The following MINDY2 variants were observed in gnomAD, a reference collection of about 807,000 sequenced individuals.
The protein encoded by MINDY2 is MINDY lysine 48 deubiquitinase 2.
In MINDY2, 52 loss-of-function variants were observed where a neutral mutation model predicts 68.2. That is an observed-to-expected ratio of 0.76 (90% confidence interval 0.61 to 0.96). The LOEUF is 0.96. Among genes scored for constraint, MINDY2 ranks in the 40% least tolerant of loss-of-function variants. MINDY2 has a pLI of 0.00. For synonymous variants in MINDY2, 372 were observed against 303.0 expected (o/e 1.23, Z -2.36); for missense variants, 881 against 773.4 (o/e 1.14, Z -1.65).
intron 4 of MINDY2, among the ~76,000 whole-genome samples, chr15:58,813,520 A>G (rs1164980546): frequency 1.3e-5 from 2 of 152,186 alleles, no homozygotes; most frequent in Non-Finnish European, 2.9e-5. Flanking sequence ...ATTTGTGTAC[A>G]GGTACGTTTT....
At chr15:58,788,513 G>T in intron 2 of MINDY2, among the ~76,000 whole-genome samples, 1 of 152,130 alleles carries the variant, frequency 6.6e-6, no homozygotes, top group East Asian at 1.9e-4. Context: ...GTATTAAATT[G>T]CATTCTTCTC....
intron 5 of MINDY2, 62 bp from the exon 6 acceptor site, chr15:58,831,712 A>G: frequency 6.7e-7 from 1 of 1,483,934 alleles, no homozygotes; most frequent in Non-Finnish European, 9.2e-7. Flanking sequence ...TTAAATAGAA[A>G]AAGAATAACT....
intron 2 of MINDY2, among the ~76,000 whole-genome samples, chr15:58,788,671 A>G (rs1293127857): frequency 6.6e-6 from 1 of 152,178 alleles, no homozygotes; most frequent in African/African-American, 2.4e-5. Context: ...TACTATCACC[A>G]AATAGGAAAT....
chr15:58,807,441 C>T (rs1448582435), intron 3 of MINDY2, among the ~76,000 whole-genome samples: 5 of 149,366 alleles, frequency 3.3e-5, no homozygotes, highest in Non-Finnish European at 5.9e-5. Flanking sequence ...CTGCAAGCTC[C>T]GCCTCCCGGG....
At chr15:58,791,386 T>C (rs1363917188) in intron 2 of MINDY2, among the ~76,000 whole-genome samples, 1 of 151,410 alleles carries the variant, frequency 6.6e-6, no homozygotes, top group East Asian at 1.9e-4. Context: ...TCTTAAAATG[T>C]AGCTCCTGTC....
At chr15:58,780,159 C>G (rs183541414) in intron 1 of MINDY2, among the ~76,000 whole-genome samples, 9 of 152,220 alleles carry the variant, frequency 5.9e-5, no homozygotes, top group Admixed American at 1.3e-4. Flanking sequence ...AATCCCAGCA[C>G]TTTGTGAGGC....
rs534368601 is a variant in MINDY2 at position 58,861,491 on chromosome 15, G to A, written c.*6881G>A. 6.7e-4 allele frequency: 102 copies of A among 152,212 alleles called. No homozygotes were observed. The highest frequency in any genetic ancestry group is 2.3e-3 in the African/African-American group (97 of 41,532). The allele number at this position is 152,212 out of a possible 1,614,324, so 9.4% of individuals were successfully genotyped here. ...ATAATAACAACCCTAGAGATTCATA[G>A]GAAAGAGCATTGAAATACATTTTTT... On this transcript the variant is annotated 3_prime_UTR_variant, in exon 9 of 9. Transcript: ENST00000559228.
rs562432753 is a variant in MINDY2, at chr15:58,784,973, T to G, written c.841-2933T>G. Among the ~76,000 whole-genome samples the G allele has an allele frequency of 3.3e-5, 5 of 151,764 alleles. No homozygotes were observed. In the South Asian group the frequency reaches 6.2e-4, roughly 19 times the overall value. ...ATTGTAAAGCTTAAAATTTAGAAAA[T>G]CAGACAGACTGCCACAACTGTTAAT... On this transcript the variant is annotated intron_variant, in intron 1 of 8. Coordinates refer to ENST00000559228, the MANE Select transcript of MINDY2 (RefSeq NM_001040450.3).
In MINDY2 at chr15:58,831,041, G is replaced by GTATATATATATA. The variant is rs61211927; in HGVS notation, c.1226-725_1226-714dup. On this transcript the variant is annotated intron_variant, in intron 5 of 8. Transcript: ENST00000559228. ...TGTGTGTGTGTGTGTGTGTGTGTGT[G>GTATATATATATA]TATATATATATATATATATGTTTTA... is the stretch of plus-strand genomic sequence containing the variant. Among the ~76,000 whole-genome samples the GTATATATATATA allele has an allele frequency of 2.2e-4, 27 of 124,904 alleles. 1 individual carries two copies. Among genetic ancestry groups the GTATATATATATA allele is most frequent in the African/African-American group, 5.5e-4 (16 of 29,200 alleles). 81.9% of individuals were successfully genotyped at this position (124,904 alleles called of 152,430 possible).
chr15:58,801,914 A>T (rs1161489325), intron 2 of MINDY2, among the ~76,000 whole-genome samples: 1 of 152,212 alleles, frequency 6.6e-6, no homozygotes, highest in Non-Finnish European at 1.5e-5. Flanking sequence ...CACCAAACCC[A>T]GCCAGATGCC....
At chr15:58,786,716 G>A (rs1901527301) in intron 1 of MINDY2, among the ~76,000 whole-genome samples, 1 of 152,162 alleles carries the variant, frequency 6.6e-6, no homozygotes, top group Non-Finnish European at 1.5e-5. Context: ...GAAGAACAGA[G>A]CATTGTCAGC....
intron 6 of MINDY2, among the ~76,000 whole-genome samples, chr15:58,839,701 A>G (rs1038791775): frequency 6.6e-6 from 1 of 152,188 alleles, no homozygotes; most frequent in Non-Finnish European, 1.5e-5. Context: ...GTGGTGTTTC[A>G]GTACAGCAAA....
chr15:58,803,352 C>T (rs934976288), intron 3 of MINDY2, among the ~76,000 whole-genome samples: 1 of 151,906 alleles, frequency 6.6e-6, no homozygotes, highest in Non-Finnish European at 1.5e-5. Context: ...CCTGTAGTCC[C>T]AGCTAGTCGT....
At position 58,858,482 on chromosome 15, in the gene MINDY2, G is replaced by C. The variant is rs765415034; in HGVS notation, c.*3872G>C. 5.3e-5 allele frequency: 8 copies of C among 152,114 alleles called. No individual in the cohort carries two copies. The highest frequency in any genetic ancestry group is 5.9e-5 in the Non-Finnish European group (4 of 67,978). The allele number at this position is 152,114 out of a possible 1,614,324, so 9.4% of individuals were successfully genotyped here. A position where few individuals can be genotyped will look rare whatever the true frequency, so the allele number is the denominator to read the frequency against. Reference sequence around the variant, plus strand: ...CAGAAAGTCAATTCACTAAGAGACAGATCATGAGAGGAAAGAGAACTAGAG... The same window carrying C: ...CAGAAAGTCAATTCACTAAGAGACACATCATGAGAGGAAAGAGAACTAGAG... On this transcript the variant is annotated 3_prime_UTR_variant, in exon 9 of 9. Coordinates refer to ENST00000559228, the MANE Select transcript of MINDY2 (RefSeq NM_001040450.3).
At chr15:58,774,492 G>GAAA (rs11385535) in intron 1 of MINDY2, among the ~76,000 whole-genome samples, 8 of 92,852 alleles carry the variant, frequency 8.6e-5, no homozygotes, top group Non-Finnish European at 1.4e-4. Flanking sequence ...CCCAAAAAAA[G>GAAA]AAAAAAAAAA....
chr15:58,783,142 A>C (rs1372633847), intron 1 of MINDY2, among the ~76,000 whole-genome samples: 2 of 151,676 alleles, frequency 1.3e-5, no homozygotes, highest in Non-Finnish European at 2.9e-5. Flanking sequence ...GCTGGTCTTG[A>C]ACTCCTAACC....
intron 4 of MINDY2, among the ~76,000 whole-genome samples, chr15:58,814,446 G>T (rs903524622): frequency 6.6e-6 from 1 of 151,898 alleles, no homozygotes; most frequent in African/African-American, 2.4e-5. Flanking sequence ...GAGTGCAGTG[G>T]CATGATCATA....
chr15:58,845,556 G>A (rs2032488324), intron 6 of MINDY2, among the ~76,000 whole-genome samples: 1 of 152,142 alleles, frequency 6.6e-6, no homozygotes, highest in African/African-American at 2.4e-5. Context: ...ACAAATGTTG[G>A]TGAGGATATG....
chr15:58,790,670 G>A (rs779800022), intron 2 of MINDY2, among the ~76,000 whole-genome samples: 3 of 152,116 alleles, frequency 2.0e-5, no homozygotes, highest in Non-Finnish European at 4.4e-5. Flanking sequence ...GGTAAAATAA[G>A]TGAAGTTTGT....
Sources: gnomAD v4.1 joint callset for allele counts (sites outside exome capture counted in the v4.1 genomes callset) on GRCh38, gnomAD v4.1.1 for gene constraint, MANE v1.5 for transcripts, NCBI Gene and HGNC (gene_info 2026-07-23, HGNC 2026-07-21) for gene names.